The following SENP6 variants were observed in gnomAD, a reference collection of about 807,000 sequenced individuals.
SENP6 encodes the protein sentrin-specific protease 6.
SENP6 carries 41 observed loss-of-function variants against 134.5 expected under a neutral mutation model. That is an observed-to-expected ratio of 0.30 (90% CI 0.24 to 0.40). SENP6 has a LOEUF of 0.40. Ranked by LOEUF, SENP6 falls within the 10% of genes least tolerant of loss-of-function variation. The pLI is 1.00. For missense variants in SENP6, 1,248 were observed against 1,312.5 expected, an observed-to-expected ratio of 0.95 and a Z score of 0.76; for synonymous variants, 395 against 429.8, an observed-to-expected ratio of 0.92 and a Z score of 1.00.
intron 21 of SENP6, among the ~76,000 whole-genome samples, chr6:75,712,596 G>T (rs1775812177): frequency 6.6e-6 from 1 of 151,952 alleles, no homozygotes; most frequent in Non-Finnish European, 1.5e-5. Context: ...AGGAGTTTGG[G>T]CTCTACATTA....
In SENP6 at chr6:75,663,819, T is replaced by TGG. The variant is rs1199601110; in HGVS notation, c.994+302_994+303insGG. On this transcript the variant is annotated intron_variant, in intron 9 of 23. Transcript: ENST00000447266. ...CCTGCTGATAGTGGGTTTTTTTTTT[T>TGG]GTGGGGGGGGGGGTGCCTAAAATAA... Among the ~76,000 whole-genome samples, 324 of 90,620 alleles carry TGG rather than the reference T, an allele frequency of 3.6e-3. 3 individuals carry two copies. Among genetic ancestry groups the TGG allele is most frequent in the African/African-American group, 9.4e-3 (165 of 17,496 alleles). The allele number at this position is 90,620 out of a possible 152,430, so 59.5% of individuals were successfully genotyped here. A position where few individuals can be genotyped will look rare whatever the true frequency, so the allele number is the denominator to read the frequency against.
intron 16 of SENP6, among the ~76,000 whole-genome samples, chr6:75,685,512 TG>T (rs1773770413): frequency 6.6e-6 from 1 of 152,220 alleles, no homozygotes; most frequent in South Asian, 2.1e-4. Context: ...CTTTCTCTTG[TG>T]GGCATTTAGT....
At position 75,697,445 on chromosome 6, in the gene SENP6, G is replaced by A. The variant is rs1352810595; in HGVS notation, c.2216G>A (p.Gly739Glu). ...TNLSIQQKRH[G>E]RVKTWTRHVD... ...TACAGAATACAGCAAAAACGGCATG[G>A]GAGAGTAAAAACATGGACCCGGCAC... The change falls in exon 18 of 24, where the codon GGG becomes GAG. Residue 739 changes from glycine to glutamate, a missense_variant. By Grantham distance (98) the Gly-to-Glu change is moderately conservative (BLOSUM62 -2). Coordinates refer to ENST00000447266, the MANE Select transcript of SENP6 (RefSeq NM_015571.4). 6.2e-7 allele frequency: 1 copy of A among 1,612,776 alleles called. No homozygotes were observed. Among genetic ancestry groups the A allele is most frequent in the African/African-American group, 1.3e-5 (1 of 74,890 alleles).
intron 7 of SENP6, among the ~76,000 whole-genome samples, chr6:75,648,677 A>G (rs1435176074): frequency 1.3e-5 from 2 of 152,192 alleles, no homozygotes; most frequent in Non-Finnish European, 2.9e-5. Flanking sequence ...TAAGCTTACT[A>G]AGTTTATTAA....
chr6:75,647,320 A>G (rs553908859), intron 6 of SENP6: 2 of 156,384 alleles, frequency 1.3e-5, no homozygotes, highest in East Asian at 3.7e-4. Context: ...AAAATCCTTG[A>G]TATTGTGTGT....
intron 8 of SENP6, among the ~76,000 whole-genome samples, chr6:75,659,666 A>C: frequency 6.6e-6 from 1 of 152,142 alleles, no homozygotes; most frequent in East Asian, 1.9e-4. Context: ...ATTTTTTTCA[A>C]ATAATTTTAA....
At chr6:75,622,766 C>G in intron 2 of SENP6, 2 of 1,287,904 alleles carry the variant, frequency 1.6e-6, no homozygotes, top group Non-Finnish European at 2.0e-6. Context: ...TCACTTCTGT[C>G]TGGGCAACAG....
intron 19 of SENP6, among the ~76,000 whole-genome samples, chr6:75,705,925 C>CTTTTTTTTTTTTTTTTT (rs71544062): frequency 2.1e-5 from 1 of 47,942 alleles, no homozygotes; most frequent in Non-Finnish European, 3.5e-5. Context: ...ATTTTTGAGC[C>CTTTTTTTTTTTTTTTTT]TTTTTTTTTT....
At chr6:75,621,973 TAAGTGAAC>T (rs965012918) in intron 2 of SENP6, among the ~76,000 whole-genome samples, 1 of 152,180 alleles carries the variant, frequency 6.6e-6, no homozygotes, top group African/African-American at 2.4e-5. Flanking sequence ...TTATCATGAG[TAAGTGAAC>T]CCAGATAAGA....
chr6:75,643,438 C>T (rs1770183454), intron 6 of SENP6, among the ~76,000 whole-genome samples: 1 of 152,082 alleles, frequency 6.6e-6, no homozygotes, highest in South Asian at 2.1e-4. Flanking sequence ...AAGCAGTAGA[C>T]AGGATAAAGG....
At chr6:75,693,757 C>G (rs540273739) in intron 16 of SENP6, among the ~76,000 whole-genome samples, 34 of 152,288 alleles carry the variant, frequency 2.2e-4, no homozygotes, top group African/African-American at 7.9e-4. Context: ...TAAGCATTTG[C>G]TCTTTCTGTG....
intron 5 of SENP6, among the ~76,000 whole-genome samples, chr6:75,638,062 A>C (rs902223292): frequency 6.6e-6 from 1 of 151,862 alleles, no homozygotes; most frequent in Non-Finnish European, 1.5e-5. Context: ...CGGTGTCACT[A>C]TGTTGGTCAG....
chr6:75,673,911 C>T (rs755673884), intron 11 of SENP6, among the ~76,000 whole-genome samples: 2 of 151,640 alleles, frequency 1.3e-5, no homozygotes, highest in Non-Finnish European at 2.9e-5. Context: ...ACCCCAGCTA[C>T]TAGGGAGGCT....
chr6:75,711,854 G>T (rs1418162463), intron 21 of SENP6, among the ~76,000 whole-genome samples: 1 of 152,156 alleles, frequency 6.6e-6, no homozygotes, highest in Non-Finnish European at 1.5e-5. Context: ...TGAATTTTTA[G>T]TAGAGATGGG....
intron 13 of SENP6, 53 bp downstream of exon 13, chr6:75,676,107 A>G (rs769009560): frequency 9.3e-5 from 116 of 1,241,354 alleles, no homozygotes; most frequent in Non-Finnish European, 1.2e-4. Context: ...TGTATTTACA[A>G]TATCTGTTAA....
Position 75,677,265 on chromosome 6 carries a change from GT to G in SENP6, c.1848+15del. 1.3e-6 allele frequency: 2 copies of G among 1,509,114 alleles called. No individual in the cohort carries two copies. Among genetic ancestry groups the G allele is most frequent in the Non-Finnish European group, 9.0e-7 (1 of 1,115,340 alleles). The allele number at this position is 1,509,114 out of a possible 1,614,324, so 93.5% of individuals were successfully genotyped here. A position where few individuals can be genotyped will look rare whatever the true frequency, so the allele number is the denominator to read the frequency against. The stretch of plus-strand genomic sequence containing the variant: ...AAAACAAAATTAAAACTGTAATTAT[GT>G]TTTTTAATTTAAAAATATTCTTAAA... On this transcript the variant is annotated intron_variant, in intron 14 of 23. Transcript: ENST00000447266.
intron 18 of SENP6, among the ~76,000 whole-genome samples, chr6:75,698,641 T>C (rs975244446): frequency 6.6e-6 from 1 of 152,256 alleles, no homozygotes; most frequent in African/African-American, 2.4e-5. Flanking sequence ...AGCAAAGCTA[T>C]ATATTTTTAA....
chr6:75,626,270 T>G (rs1341102898), intron 3 of SENP6, among the ~76,000 whole-genome samples: 1 of 151,978 alleles, frequency 6.6e-6, no homozygotes, highest in Non-Finnish European at 1.5e-5. Flanking sequence ...AAATCTAATT[T>G]TGTCTTGATT....
intron 11 of SENP6, among the ~76,000 whole-genome samples, chr6:75,672,440 T>C (rs1444615634): frequency 6.6e-6 from 1 of 152,194 alleles, no homozygotes; most frequent in Non-Finnish European, 1.5e-5. Flanking sequence ...ATATGTAACA[T>C]AAAATGTGTC....
Sources: allele counts gnomAD v4.1 joint callset (sites outside exome capture counted in the v4.1 genomes callset), GRCh38; gene constraint gnomAD v4.1.1; transcripts MANE v1.5; gene names NCBI Gene and HGNC (gene_info 2026-07-23, HGNC 2026-07-21).